Variants in VTI1A observed in about 807,000 individuals in gnomAD.
The protein encoded by VTI1A is vesicle transport through interaction with t-SNAREs homolog 1A.
Under a neutral mutation model 34.9 loss-of-function variants are expected in VTI1A, and 22 were observed. The observed-to-expected ratio is 0.63, with a 90% CI of 0.45 to 0.90. The LOEUF is 0.90. VTI1A is among the 40% of genes least tolerant of loss of function. The probability of loss-of-function intolerance (pLI) is 0.00; values close to 1 mark genes in which losing one functional copy is unlikely to be tolerated. For synonymous variants in VTI1A, 87 were observed against 97.3 expected (o/e 0.89, Z 0.62); for missense variants, 268 against 275.6 (o/e 0.97, Z 0.20).
At chr10:112,575,067 A>C (rs1207755115) in intron 5 of VTI1A, among the ~76,000 whole-genome samples, 1 of 152,198 alleles carries the variant, frequency 6.6e-6, no homozygotes, top group Non-Finnish European at 1.5e-5. Flanking sequence ...ATTCCAGATC[A>C]CTGTTGTAGT....
chr10:112,787,580 A>G (rs1852326046), intron 7 of VTI1A, among the ~76,000 whole-genome samples: 1 of 151,864 alleles, frequency 6.6e-6, no homozygotes, highest in African/African-American at 2.4e-5. Context: ...TTTGGTTTCC[A>G]TTCATTAAAT....
chr10:112,699,158 T>C (rs1265212765), intron 7 of VTI1A, among the ~76,000 whole-genome samples: 1 of 152,276 alleles, frequency 6.6e-6, no homozygotes. Context: ...AATTTCAGCA[T>C]AGATGGCAGT....
chr10:112,620,359 G>A (rs956426143), intron 5 of VTI1A, among the ~76,000 whole-genome samples: 15 of 152,162 alleles, frequency 9.9e-5, no homozygotes, highest in African/African-American at 3.6e-4. Flanking sequence ...CGGAAAGAAT[G>A]GCTCTGGGAA....
At position 112,538,322 on chromosome 10, in the gene VTI1A, T is replaced by G. The variant is rs938609891; in HGVS notation, c.419T>G (p.Val140Gly). Residue 140 changes from valine (V) to glycine (G), a missense_variant, in exon 5 of 8, where the codon GTG becomes GGG. Coordinates refer to ENST00000393077, the MANE Select transcript of VTI1A (RefSeq NM_145206.4). ...RRLEAGYQIAVETEQIGQEML... is the reference protein window; with the variant it reads ...RRLEAGYQIAGETEQIGQEML... ...CTAGAGGCTGGATACCAAATAGCAG[T>G]GGAAACCGGTAAGAATTCTGAGAGT... The G allele has an allele frequency of 6.2e-7, 1 of 1,613,574 alleles. No individual in the cohort carries two copies. Among genetic ancestry groups the G allele is most frequent in the Non-Finnish European group, 8.5e-7 (1 of 1,179,724 alleles).
At chr10:112,602,986 T>G (rs1209393197) in intron 5 of VTI1A, among the ~76,000 whole-genome samples, 1 of 152,240 alleles carries the variant, frequency 6.6e-6, no homozygotes, top group Non-Finnish European at 1.5e-5. Flanking sequence ...AAACATTTTC[T>G]GTGTCACCTA....
Position 112,538,347 on chromosome 10 carries a change from T to A in VTI1A, c.427+17T>A, listed in dbSNP as rs770093725. 2.2e-5 allele frequency: 35 copies of A among 1,610,436 alleles called. No homozygotes were observed. Among genetic ancestry groups the A allele is most frequent in the Non-Finnish European group, 3.0e-5 (35 of 1,177,100 alleles). Reference sequence around the variant, plus strand: ...TGGAAACCGGTAAGAATTCTGAGAGTGAGCAAATTGTCTTGCTTATGCACA... The same window carrying A: ...TGGAAACCGGTAAGAATTCTGAGAGAGAGCAAATTGTCTTGCTTATGCACA... On this transcript the variant is annotated intron_variant, in intron 5 of 7. Transcript: ENST00000393077.
intron 7 of VTI1A, among the ~76,000 whole-genome samples, chr10:112,776,310 A>C (rs1466409009): frequency 6.6e-6 from 1 of 152,102 alleles, no homozygotes; most frequent in Non-Finnish European, 1.5e-5. Context: ...GGGATTATGA[A>C]CCCTGTGAAC....
chr10:112,635,583 G>A (rs1846323936), intron 5 of VTI1A, among the ~76,000 whole-genome samples: 1 of 152,286 alleles, frequency 6.6e-6, no homozygotes, highest in South Asian at 2.1e-4. Context: ...CAATCGAGAC[G>A]TACTGATGGT....
chr10:112,705,451 C>T (rs2133908570), intron 7 of VTI1A, among the ~76,000 whole-genome samples: 1 of 152,228 alleles, frequency 6.6e-6, no homozygotes, highest in South Asian at 2.1e-4. Context: ...TATACTGACT[C>T]CATTATTGCT....
chr10:112,588,937 A>T (rs1366096563), intron 5 of VTI1A, among the ~76,000 whole-genome samples: 1 of 151,416 alleles, frequency 6.6e-6, no homozygotes, highest in Non-Finnish European at 1.5e-5. Context: ...GAAGGGATAG[A>T]GGTATTTATT....
chr10:112,587,988 T>C (rs1403070792), intron 5 of VTI1A, among the ~76,000 whole-genome samples: 1 of 151,916 alleles, frequency 6.6e-6, no homozygotes, highest in African/African-American at 2.4e-5. Flanking sequence ...TTCTTTCCCA[T>C]TGAAATGAAA....
the VTI1A span, among the ~76,000 whole-genome samples, chr10:112,852,886 C>T: frequency 6.6e-6 from 1 of 152,154 alleles, no homozygotes; most frequent in Non-Finnish European, 1.5e-5. Flanking sequence ...TCAAGCAATT[C>T]CTCTGCCTCA....
At position 112,772,616 on chromosome 10, in the gene VTI1A, C is replaced by A. The variant is rs11196103; in HGVS notation, c.561-42674C>A. Among the ~76,000 whole-genome samples the A allele has an allele frequency of 5.2e-3, 790 of 152,292 alleles. 11 individuals carry two copies. Among genetic ancestry groups the A allele is most frequent in the East Asian group, 0.051 (265 of 5,188 alleles). ...CACATCTAAGAGTCTATTGTTAAAA[C>A]CCACACCACAAGGACTTATTTATCT... On this transcript the variant is annotated intron_variant, in intron 7 of 7. Transcript: ENST00000393077.
intron 3 of VTI1A, chr10:112,485,380 C>A (rs1848588717): frequency 6.6e-6 from 1 of 152,096 alleles, no homozygotes; most frequent in Non-Finnish European, 1.5e-5. Flanking sequence ...GAAAATATGA[C>A]ATGTTCATTG....
At chr10:112,641,731 T>G (rs1846582816) in intron 5 of VTI1A, among the ~76,000 whole-genome samples, 1 of 152,240 alleles carries the variant, frequency 6.6e-6, no homozygotes, top group Admixed American at 6.5e-5. Context: ...GAGCACGAGA[T>G]TAGCCAAACT....
chr10:112,785,942 C>T (rs759205930), intron 7 of VTI1A, among the ~76,000 whole-genome samples: 4 of 152,052 alleles, frequency 2.6e-5, no homozygotes, highest in African/African-American at 9.7e-5. Context: ...CATTTTTATA[C>T]ATTCTAGTTC....
intron 5 of VTI1A, among the ~76,000 whole-genome samples, chr10:112,610,276 A>G (rs1845247555): frequency 6.6e-6 from 1 of 151,918 alleles, no homozygotes; most frequent in Non-Finnish European, 1.5e-5. Flanking sequence ...TGTCTGTAAG[A>G]GCTTCAAAGA....
intron 3 of VTI1A, among the ~76,000 whole-genome samples, chr10:112,504,351 G>A (rs1035511735): frequency 1.3e-5 from 2 of 151,990 alleles, no homozygotes; most frequent in Non-Finnish European, 2.9e-5. Context: ...GCAAATACAA[G>A]CGTATATTCT....
intron 5 of VTI1A, among the ~76,000 whole-genome samples, chr10:112,570,921 T>G (rs1045802469): frequency 3.9e-5 from 6 of 152,268 alleles, no homozygotes; most frequent in Non-Finnish European, 7.3e-5. Flanking sequence ...TTAAAGAGTT[T>G]ACATAGATTA....
Sources: allele counts gnomAD v4.1 joint callset (sites outside exome capture counted in the v4.1 genomes callset), GRCh38; gene constraint gnomAD v4.1.1; transcripts MANE v1.5; gene names NCBI Gene and HGNC (gene_info 2026-07-23, HGNC 2026-07-21).